LY96: variants seen among roughly 807,000 people sequenced by gnomAD.
LY96 encodes the protein lymphocyte antigen 96.
In LY96, 18 loss-of-function variants were observed where a neutral mutation model predicts 18.9. The ratio of observed to expected loss-of-function variants is 0.95; its 90% CI spans 0.66 to 1.41. The LOEUF is 1.41. Ranked by LOEUF, LY96 falls within the 40% of genes most tolerant of loss-of-function variation. The pLI is 0.00. For missense variants in LY96, 175 were observed against 182.4 expected, an observed-to-expected ratio of 0.96 and a Z score of 0.23; for synonymous variants, 66 against 62.6, an observed-to-expected ratio of 1.06 and a Z score of -0.26.
chr8:73,996,368 CATTCCTTTCTTTCTTTCTTTCTTTCTTT>C (rs1183508234), intron 1 of LY96, among the ~76,000 whole-genome samples: 32 of 62,536 alleles, frequency 5.1e-4, no homozygotes, highest in African/African-American at 1.7e-3. Flanking sequence ...TTCCTTCCTT[CATTCCTTTCTTTCTTTCTTTCTTTCTTT>C]CTTTCTTTCT....
chr8:74,080,998 CTT>C, the LY96 span, among the ~76,000 whole-genome samples: 253 of 115,334 alleles, frequency 2.2e-3, 9 homozygotes, highest in Admixed American at 0.018. Flanking sequence ...TTCTTTCTTT[CTT>C]TCTTTCTTTC....
At chr8:74,003,135 A>G (rs749552131) in intron 1 of LY96, among the ~76,000 whole-genome samples, 1 of 152,182 alleles carries the variant, frequency 6.6e-6, no homozygotes, top group African/African-American at 2.4e-5. Flanking sequence ...TACAAAGCAG[A>G]CATCTTTTTC....
At chr8:74,066,206 A>T in the LY96 span, among the ~76,000 whole-genome samples, 1 of 152,076 alleles carries the variant, frequency 6.6e-6, no homozygotes, top group African/African-American at 2.4e-5. Context: ...CTGTGTCCTC[A>T]TATGGCAGAA....
the LY96 span, among the ~76,000 whole-genome samples, chr8:74,091,575 C>T: frequency 6.6e-6 from 1 of 152,306 alleles, no homozygotes; most frequent in South Asian, 2.1e-4. Flanking sequence ...TGATATGGCT[C>T]TCCTGAAATG....
chr8:74,083,682 C>A, the LY96 span, among the ~76,000 whole-genome samples: 1 of 151,886 alleles, frequency 6.6e-6, no homozygotes, highest in Non-Finnish European at 1.5e-5. Flanking sequence ...GTTGGGATAC[C>A]ACTTAAATCT....
chr8:74,098,948 GA>G, the LY96 span, among the ~76,000 whole-genome samples: 1 of 152,158 alleles, frequency 6.6e-6, no homozygotes, highest in Non-Finnish European at 1.5e-5. Context: ...ACAGGAAAAT[GA>G]AAAGGAGGAT....
At chr8:74,061,650 AT>A in the LY96 span, among the ~76,000 whole-genome samples, 2 of 152,138 alleles carry the variant, frequency 1.3e-5, no homozygotes, top group Non-Finnish European at 2.9e-5. Flanking sequence ...GCTAAGTGGA[AT>A]TTTTTTCAAA....
At chr8:74,092,166 G>T in the LY96 span, among the ~76,000 whole-genome samples, 3 of 152,128 alleles carry the variant, frequency 2.0e-5, no homozygotes, top group African/African-American at 4.8e-5. Context: ...TCTCATGGGT[G>T]ACAAGCTGGC....
chr8:74,084,122 G>A, the LY96 span, among the ~76,000 whole-genome samples: 28 of 151,570 alleles, frequency 1.8e-4, no homozygotes, highest in Non-Finnish European at 2.2e-4. Context: ...TTGCTTCCTC[G>A]TGATGTTTAA....
chr8:74,085,489 C>T, the LY96 span, among the ~76,000 whole-genome samples: 2 of 152,206 alleles, frequency 1.3e-5, no homozygotes, highest in African/African-American at 4.8e-5. Context: ...CTGCCAATCA[C>T]CCACGAAACC....
Position 73,991,468 on chromosome 8 carries a change from C to T in LY96, c.26C>T (p.Thr9Ile), listed in dbSNP as rs1308062961. The part of the protein sequence containing the change: MLPFLFFS[T>I]LFSSIFTEAQ... ...ATGTTACCATTTCTGTTTTTTTCCACCCTGTTTTCTTCCATATTTACTGAA... is the reference window on the plus strand; with the variant it reads ...ATGTTACCATTTCTGTTTTTTTCCATCCTGTTTTCTTCCATATTTACTGAA... Residue 9 changes from threonine (T) to isoleucine (I), a missense_variant, in exon 1 of 5, where the codon ACC (threonine) becomes ATC (isoleucine). By Grantham distance (89) the Thr-to-Ile change is moderately conservative. Coordinates refer to ENST00000284818, the MANE Select transcript of LY96 (RefSeq NM_015364.5). 6.2e-7 allele frequency: 1 copy of T among 1,611,028 alleles called. No individual in the cohort carries two copies. Among genetic ancestry groups the T allele is most frequent in the Non-Finnish European group, 8.5e-7 (1 of 1,177,316 alleles).
intron 1 of LY96, among the ~76,000 whole-genome samples, chr8:74,001,546 T>A (rs1022914469): frequency 2.0e-5 from 3 of 152,056 alleles, no homozygotes; most frequent in East Asian, 1.9e-4. Context: ...AATTTTTTTT[T>A]AATTAAAAAC....
chr8:74,002,093 T>TTCTTTCTTTCTTTCTCTCTC lies in LY96; in HGVS notation c.113-2700_113-2699insTTCTTTCTTTCTCTCTCTCT, dbSNP rs1563710943. Reference sequence around the variant, plus strand: ...TTCCTTCCTTTCTTTCTTTCTTTCTTTCTCTCTCTCTCTCTCTCTCTCTCT... The same window carrying TTCTTTCTTTCTTTCTCTCTC: ...TTCCTTCCTTTCTTTCTTTCTTTCTTTCTTTCTTTCTTTCTCTCTCTCTCTCTCTCTCTCTCTCTCTCTCT... On this transcript the variant is annotated intron_variant, in intron 1 of 4. Transcript: ENST00000284818. 3.1e-4 allele frequency among the ~76,000 whole-genome samples: 12 copies of TTCTTTCTTTCTTTCTCTCTC among 38,700 alleles called. 3 individuals carry two copies. Among genetic ancestry groups the TTCTTTCTTTCTTTCTCTCTC allele is most frequent in the Admixed American group, 1.8e-3 (5 of 2,762 alleles). The allele number at this position is 38,700 out of a possible 152,430, so 25.4% of individuals were successfully genotyped here. A position where few individuals can be genotyped will look rare whatever the true frequency, so the allele number is the denominator to read the frequency against.
chr8:74,078,575 T>A, the LY96 span, among the ~76,000 whole-genome samples: 2 of 152,314 alleles, frequency 1.3e-5, no homozygotes, highest in Admixed American at 1.3e-4. Flanking sequence ...TGTTGGGTTC[T>A]GAGGCTTTTG....
chr8:74,068,864 T>A, the LY96 span, among the ~76,000 whole-genome samples: 1 of 151,718 alleles, frequency 6.6e-6, no homozygotes, highest in East Asian at 1.9e-4. Context: ...TGGCGCAATC[T>A]CAGCTCACGC....
chr8:74,025,435 A>C (rs1340127825), intron 3 of LY96, among the ~76,000 whole-genome samples: 1 of 149,978 alleles, frequency 6.7e-6, no homozygotes, highest in Non-Finnish European at 1.5e-5. Flanking sequence ...CAGGCAGATC[A>C]CCTGAGGTTA....
chr8:74,077,838 T>G, the LY96 span, among the ~76,000 whole-genome samples: 1 of 152,158 alleles, frequency 6.6e-6, no homozygotes. Context: ...CCAGGTGTGG[T>G]GGCTTATGTC....
the LY96 span, among the ~76,000 whole-genome samples, chr8:74,057,619 C>T: frequency 6.6e-6 from 1 of 152,208 alleles, no homozygotes. Context: ...ATTTCACTGT[C>T]CCCTGCCACA....
rs546697969 is a variant in LY96, at chr8:73,991,765, T to C, written c.112+211T>C. 2.5e-4 allele frequency among the ~76,000 whole-genome samples: 38 copies of C among 152,278 alleles called. 1 individual carries two copies. Among genetic ancestry groups the C allele is most frequent in the African/African-American group, 8.7e-4 (36 of 41,536 alleles). ...ACAGAGCTTGTGAGTCTCTAAACTG[T>C]GTTGTGCTTGACCTCCAAGTGCTTC... On this transcript the variant is annotated intron_variant, in intron 1 of 4. Transcript: ENST00000284818.
Sources: gnomAD v4.1 joint callset for allele counts (sites outside exome capture counted in the v4.1 genomes callset) on GRCh38, gnomAD v4.1.1 for gene constraint, MANE v1.5 for transcripts, NCBI Gene and HGNC (gene_info 2026-07-23, HGNC 2026-07-21) for gene names.